The following HTR2C variants were observed in gnomAD, a reference collection of about 807,000 sequenced individuals.
The protein encoded by HTR2C is 5-hydroxytryptamine receptor 2C.
HTR2C carries 5 observed loss-of-function variants against 21.0 expected under a neutral mutation model. That is an observed-to-expected ratio of 0.24 (90% CI 0.12 to 0.50). The LOEUF is 0.50. Among genes scored for constraint, HTR2C ranks in the 20% least tolerant of loss-of-function variants. The pLI is 0.98. For synonymous variants in HTR2C, 150 were observed against 145.3 expected, an observed-to-expected ratio of 1.03 and a Z score of -0.23; for missense variants, 271 against 371.2, an observed-to-expected ratio of 0.73 and a Z score of 2.22.
intron 2 of HTR2C, among the ~76,000 whole-genome samples, chrX:114,689,083 A>G (rs1932019896): frequency 9.4e-6 from 1 of 106,895 alleles, no homozygotes; most frequent in African/African-American, 3.4e-5. Flanking sequence ...AGAACATACA[A>G]TGTTTGGTTT....
At position 114,744,611 on chromosome X, in the gene HTR2C, C is replaced by A. The variant is rs77189909; in HGVS notation, c.349+13004C>A. On this transcript the variant is annotated intron_variant, in intron 4 of 5. Coordinates refer to ENST00000276198, the MANE Select transcript of HTR2C (RefSeq NM_000868.4). The stretch of plus-strand genomic sequence containing the variant: ...GGGACTACAGGCGCCGGCCCTAATG[C>A]CCGGCTAATTTTTTGTATTTTTAGT... 7.8e-3 allele frequency among the ~76,000 whole-genome samples: 853 copies of A among 109,780 alleles called. 14 individuals carry two copies. Among genetic ancestry groups the A allele is most frequent in the African/African-American group, 0.026 (795 of 30,204 alleles).
chrX:114,705,125 A>G (rs1932729563), intron 2 of HTR2C, among the ~76,000 whole-genome samples: 1 of 105,172 alleles, frequency 9.5e-6, no homozygotes, highest in African/African-American at 3.4e-5. Context: ...GAAAATGGCC[A>G]TACTGCCCAA....
chrX:114,698,933 C>T (rs1828076517), intron 2 of HTR2C, among the ~76,000 whole-genome samples: 1 of 111,302 alleles, frequency 9.0e-6, no homozygotes, highest in East Asian at 2.8e-4. Context: ...CAATGTTCAC[C>T]AGTATAAATG....
chrX:114,664,977 C>A (rs1253651690), intron 2 of HTR2C, among the ~76,000 whole-genome samples: 2 of 112,138 alleles, frequency 1.8e-5, no homozygotes, highest in East Asian at 5.6e-4. Flanking sequence ...TTTGAGATAT[C>A]AAAAGACAGA....
At chrX:114,701,542 C>A (rs782331665) in intron 2 of HTR2C, among the ~76,000 whole-genome samples, 1 of 111,030 alleles carries the variant, frequency 9.0e-6, no homozygotes, top group African/African-American at 3.3e-5. Context: ...AAAGGACATC[C>A]ACACCAAAAA....
In HTR2C at chrX:114,623,906, G is replaced by GTTT. The variant is rs35930521; in HGVS notation, c.-80+10043_-80+10045dup. Among the ~76,000 whole-genome samples, 466 of 69,288 alleles carry GTTT rather than the reference G, an allele frequency of 6.7e-3. 15 individuals are homozygous for GTTT. Among genetic ancestry groups the GTTT allele is most frequent in the African/African-American group, 0.016 (272 of 17,377 alleles). The allele number at this position is 69,288 out of a possible 115,157, so 60.2% of individuals were successfully genotyped here. A position where few individuals can be genotyped will look rare whatever the true frequency, so the allele number is the denominator to read the frequency against. ...ACAAGTTGTCTCTTTTTTTGTTGTT[G>GTTT]TTTTTTTTTTTTTTTTTTTTGAGAC... On this transcript the variant is annotated intron_variant, in intron 2 of 5. Coordinates refer to ENST00000276198, the MANE Select transcript of HTR2C (RefSeq NM_000868.4).
chrX:114,757,423 GAAAC>G (rs1197816786), intron 4 of HTR2C, among the ~76,000 whole-genome samples: 16 of 111,356 alleles, frequency 1.4e-4, no homozygotes, highest in East Asian at 5.6e-4. Context: ...AAAACATAAT[GAAAC>G]AAACAAACAA....
At chrX:114,900,999 C>T (rs1368349948) in intron 5 of HTR2C, among the ~76,000 whole-genome samples, 1 of 112,269 alleles carries the variant, frequency 8.9e-6, no homozygotes, top group East Asian at 2.8e-4. Context: ...GCAAATTTTG[C>T]TGCTGGTAGT....
chrX:114,861,699 A>G (rs2071007573), intron 5 of HTR2C, among the ~76,000 whole-genome samples: 1 of 111,091 alleles, frequency 9.0e-6, no homozygotes, highest in Non-Finnish European at 1.9e-5. Flanking sequence ...CTGGTATCTC[A>G]TAACGGTTTT....
intron 4 of HTR2C, among the ~76,000 whole-genome samples, chrX:114,738,621 A>T (rs2069614020): frequency 9.1e-6 from 1 of 110,107 alleles, no homozygotes; most frequent in African/African-American, 3.3e-5. Flanking sequence ...GGAACATCAC[A>T]CACCGGGGCC....
intron 4 of HTR2C, among the ~76,000 whole-genome samples, chrX:114,752,714 G>A (rs2257137): frequency 9.2e-6 from 1 of 108,879 alleles, no homozygotes. Flanking sequence ...CCAACAGAAC[G>A]CAACCACAGA....
intron 2 of HTR2C, among the ~76,000 whole-genome samples, chrX:114,665,205 A>C (rs971847079): frequency 7.2e-5 from 8 of 111,876 alleles, no homozygotes; most frequent in Admixed American, 1.9e-4. Context: ...TCCTTATTAC[A>C]CTGACTCAGG....
Position 114,726,869 on chromosome X carries a change from T to C in HTR2C, c.-68T>C. On this transcript the variant is annotated 5_prime_UTR_variant, in exon 3 of 6. It removes an upstream start codon present in the reference 5' UTR. Coordinates refer to ENST00000276198, the MANE Select transcript of HTR2C (RefSeq NM_000868.4). Reference sequence around the variant, plus strand: ...TTTTCTCTCCCCAGAAAGGATGATATGATGAACCTAGCCTGTTAATTTCGT... The same window carrying C: ...TTTTCTCTCCCCAGAAAGGATGATACGATGAACCTAGCCTGTTAATTTCGT... 1.5e-6 allele frequency: 1 copy of C among 656,789 alleles called. No homozygotes were observed. The highest frequency in any genetic ancestry group is 2.3e-6 in the Non-Finnish European group (1 of 430,683). 54.1% of individuals were successfully genotyped at this position (656,789 alleles called of 1,213,427 possible).
At chrX:114,819,747 C>T (rs1166760865) in intron 4 of HTR2C, among the ~76,000 whole-genome samples, 4 of 112,365 alleles carry the variant, frequency 3.6e-5, no homozygotes, top group African/African-American at 1.3e-4. Context: ...GCTTGTGGAA[C>T]ACGGGCTGAG....
chrX:114,739,388 A>G (rs1291264875), intron 4 of HTR2C, among the ~76,000 whole-genome samples: 1 of 112,010 alleles, frequency 8.9e-6, no homozygotes, highest in African/African-American at 3.2e-5. Context: ...TAAGAAAATC[A>G]GGATAAAACT....
intron 5 of HTR2C, among the ~76,000 whole-genome samples, chrX:114,888,651 A>G (rs782334935): frequency 1.8e-5 from 2 of 112,072 alleles, no homozygotes; most frequent in African/African-American, 3.2e-5. Context: ...TTCAAACACC[A>G]TAGACTCTCA....
At chrX:114,667,195 GTTTT>G (rs1278953576) in intron 2 of HTR2C, among the ~76,000 whole-genome samples, 1 of 110,546 alleles carries the variant, frequency 9.0e-6, no homozygotes, top group Admixed American at 9.7e-5. Flanking sequence ...AGTATCAGTT[GTTTT>G]TTTAACAAAA....
At chrX:114,644,354 AATAAATAAATATATATATATATATATAT>A (rs1213704636) in intron 2 of HTR2C, among the ~76,000 whole-genome samples, 3 of 18,652 alleles carry the variant, frequency 1.6e-4, no homozygotes, top group African/African-American at 4.7e-4. Flanking sequence ...AAAATAAATA[AATAAATAAATATATATATATATATATAT>A]ATATATATAT....
In HTR2C at chrX:114,907,004, C is replaced by A. The variant is rs782310164; in HGVS notation, c.966C>A (p.Ile322=). The A allele has an allele frequency of 8.3e-7, 1 of 1,211,046 alleles. No individual in the cohort carries two copies. The highest frequency in any genetic ancestry group is 1.1e-6 in the Non-Finnish European group (1 of 895,053). ...VLGIVFFVFL[I]MWCPFFITNI... is the part of the protein sequence containing the mutation. ...GGATTGTTTTCTTTGTGTTTCTGAT[C>A]ATGTGGTGCCCATTTTTCATTACCA... Residue 322 remains isoleucine (I), a synonymous_variant, in exon 6 of 6, where the codon ATC becomes ATA. Transcript: ENST00000276198.
Sources: gnomAD v4.1 joint callset for allele counts (sites outside exome capture counted in the v4.1 genomes callset) on GRCh38, gnomAD v4.1.1 for gene constraint, MANE v1.5 for transcripts, NCBI Gene and HGNC (gene_info 2026-07-23, HGNC 2026-07-21) for gene names.